CYFIP1: variants seen among roughly 807,000 people sequenced by gnomAD.
CYFIP1 encodes cytoplasmic FMR1 interacting protein 1.
A neutral mutation model predicts 163.5 loss-of-function variants in CYFIP1; 58 were observed. The ratio of observed to expected loss-of-function variants is 0.35; its 90% CI spans 0.29 to 0.44. The LOEUF (loss-of-function observed/expected upper bound fraction) is 0.44, where lower values mean the gene tolerates loss of function less well. Ranked by LOEUF, CYFIP1 falls within the 20% of genes least tolerant of loss-of-function variation. The pLI is 1.00. For missense variants in CYFIP1, 1,338 were observed against 1,653.8 expected (o/e 0.81, Z 3.31); for synonymous variants, 663 against 660.7 (o/e 1.00, Z -0.05).
At chr15:22,915,697 T>C (rs887271558) in intron 16 of CYFIP1, among the ~76,000 whole-genome samples, 1 of 152,106 alleles carries the variant, frequency 6.6e-6, no homozygotes, top group African/African-American at 2.4e-5. Flanking sequence ...TGCAGTGAGC[T>C]GAGATCGCCC....
chr15:22,893,444 C>T (rs1286026082), intron 22 of CYFIP1, among the ~76,000 whole-genome samples: 3 of 152,210 alleles, frequency 2.0e-5, no homozygotes, highest in East Asian at 3.8e-4. Flanking sequence ...TTAGGGGACA[C>T]TTAAAATCGA....
At chr15:22,900,918 C>T (rs192133353) in intron 22 of CYFIP1, among the ~76,000 whole-genome samples, 3 of 152,030 alleles carry the variant, frequency 2.0e-5, no homozygotes, top group Non-Finnish European at 2.9e-5. Context: ...GGAGTTAAAA[C>T]TCAGCTGGGC....
chr15:22,967,208 A>G (rs1228533548), intron 1 of CYFIP1, among the ~76,000 whole-genome samples: 1 of 152,166 alleles, frequency 6.6e-6, no homozygotes, highest in Non-Finnish European at 1.5e-5. Flanking sequence ...TGGCAGCAAC[A>G]GGTTATGGAC....
intron 23 of CYFIP1, among the ~76,000 whole-genome samples, chr15:22,885,492 G>T (rs574916315): frequency 4.6e-5 from 7 of 152,284 alleles, no homozygotes; most frequent in Admixed American, 3.9e-4. Context: ...TAGCACGTTG[G>T]GAGGCCGAGG....
intron 24 of CYFIP1, 50 bp downstream of exon 24, chr15:22,882,818 C>T (rs759969341): frequency 1.3e-6 from 2 of 1,584,820 alleles, no homozygotes; most frequent in Non-Finnish European, 1.7e-6. Context: ...GGCATGGGTG[C>T]CCCAGGGAAT....
At chr15:22,971,220 T>C (rs2063083850) in intron 1 of CYFIP1, among the ~76,000 whole-genome samples, 1 of 152,198 alleles carries the variant, frequency 6.6e-6, no homozygotes, top group Non-Finnish European at 1.5e-5. Flanking sequence ...ATTTCTTGGA[T>C]ATGACACCAA....
intron 22 of CYFIP1, among the ~76,000 whole-genome samples, chr15:22,903,172 C>G (rs1363966448): frequency 6.6e-6 from 1 of 152,130 alleles, no homozygotes; most frequent in African/African-American, 2.4e-5. Flanking sequence ...AGACATGTCC[C>G]TGGCACGCGC....
chr15:22,979,505 C>T (rs1233448372), intron 1 of CYFIP1, among the ~76,000 whole-genome samples: 5 of 152,160 alleles, frequency 3.3e-5, no homozygotes, highest in Non-Finnish European at 5.9e-5. Flanking sequence ...CGGCGCTGGG[C>T]TCAATCAGCA....
chr15:22,886,042 A>G (rs879855673), intron 23 of CYFIP1, among the ~76,000 whole-genome samples: 3 of 152,160 alleles, frequency 2.0e-5, no homozygotes, highest in Non-Finnish European at 2.9e-5. Flanking sequence ...AACTTCAATC[A>G]TGGCGGAAGG....
intron 21 of CYFIP1, among the ~76,000 whole-genome samples, chr15:22,908,098 T>A (rs17137194): frequency 0.068 from 10,352 of 152,240 alleles, 511 homozygotes; most frequent in South Asian, 0.12. Flanking sequence ...CCTCTTCCTG[T>A]GTTCAAATTG....
chr15:22,967,237 C>T (rs2062943132), intron 1 of CYFIP1, among the ~76,000 whole-genome samples: 1 of 152,156 alleles, frequency 6.6e-6, no homozygotes, highest in Non-Finnish European at 1.5e-5. Flanking sequence ...GCAGGTCACC[C>T]ACCACCTGTT....
At chr15:22,947,420 G>A (rs1595681314) in intron 1 of CYFIP1, 129 bp from the exon 2 acceptor site, 2 of 1,307,376 alleles carry the variant, frequency 1.5e-6, no homozygotes, top group East Asian at 4.7e-5. Flanking sequence ...GGCTGACAGG[G>A]GCATGATCAG....
intron 6 of CYFIP1, 50 bp from the exon 7 acceptor site, chr15:22,939,557 TAAAAAAAAAAAAAA>T (rs56068008): frequency 3.5e-6 from 1 of 285,752 alleles, no homozygotes; most frequent in Non-Finnish European, 5.6e-6. Flanking sequence ...GTGCCACATT[TAAAAAAAAAAAAAA>T]AAAAAAAAAA....
intron 11 of CYFIP1, among the ~76,000 whole-genome samples, chr15:22,930,440 AC>A (rs2061505013): frequency 6.7e-6 from 1 of 149,770 alleles, no homozygotes; most frequent in Admixed American, 6.7e-5. Flanking sequence ...CTGATTTGTT[AC>A]CTTAGACAAT....
At chr15:22,893,327 C>T (rs945564946) in intron 22 of CYFIP1, among the ~76,000 whole-genome samples, 5 of 152,052 alleles carry the variant, frequency 3.3e-5, no homozygotes, top group Non-Finnish European at 5.9e-5. Context: ...AGAACGGCGA[C>T]GCCCCGGTGG....
chr15:22,890,221 A>G (rs2060036647), intron 23 of CYFIP1, among the ~76,000 whole-genome samples: 1 of 150,962 alleles, frequency 6.6e-6, no homozygotes, highest in African/African-American at 2.4e-5. Flanking sequence ...CTGAGGCAGG[A>G]GAATTGTTTG....
intron 13 of CYFIP1, among the ~76,000 whole-genome samples, chr15:22,924,882 G>C (rs1281380185): frequency 6.6e-6 from 1 of 152,084 alleles, no homozygotes; most frequent in Non-Finnish European, 1.5e-5. Context: ...GACGAACCCG[G>C]GCAACTTGGT....
intron 1 of CYFIP1, among the ~76,000 whole-genome samples, chr15:22,961,956 T>C (rs1595713508): frequency 1.3e-5 from 2 of 152,306 alleles, no homozygotes; most frequent in Middle Eastern, 3.4e-3. Context: ...CTTCTAAATT[T>C]ACCAAGGAGG....
At chr15:22,887,335 C>A (rs1242895204) in intron 23 of CYFIP1, among the ~76,000 whole-genome samples, 1 of 152,090 alleles carries the variant, frequency 6.6e-6, no homozygotes, top group East Asian at 1.9e-4. Context: ...AGCCCTGCGG[C>A]CCGCTGCAAC....
Sources: allele counts gnomAD v4.1 joint callset (sites outside exome capture counted in the v4.1 genomes callset), GRCh38; gene constraint gnomAD v4.1.1; transcripts MANE v1.5; gene names NCBI Gene and HGNC (gene_info 2026-07-23, HGNC 2026-07-21).